The following TCL1B variants were observed in gnomAD, a reference collection of about 807,000 sequenced individuals.
The protein encoded by TCL1B is TCL1 family AKT coactivator B.
A neutral mutation model predicts 16.9 loss-of-function variants in TCL1B; 14 were observed. That is an observed-to-expected ratio of 0.83 (90% CI 0.55 to 1.30). The LOEUF (loss-of-function observed/expected upper bound fraction) is 1.30, where lower values mean the gene tolerates loss of function less well. Ranked by LOEUF, TCL1B falls within the 50% of genes most tolerant of loss-of-function variation. The pLI, the probability that TCL1B is intolerant of heterozygous loss-of-function variation, is 0.00. For synonymous variants in TCL1B, 79 were observed against 66.6 expected, an observed-to-expected ratio of 1.19 and a Z score of -0.91; for missense variants, 166 against 165.2, an observed-to-expected ratio of 1.00 and a Z score of -0.03.
chr14:95,691,047 G>A (rs748178053), intron 2 of TCL1B, 141 bp downstream of exon 2: 9 of 1,162,868 alleles, frequency 7.7e-6, no homozygotes, highest in Admixed American at 7.3e-5. Flanking sequence ...AAGGAGGCCT[G>A]AGTGTGTGTG....
At chr14:95,687,387 A>T (rs192021406) in intron 1 of TCL1B, among the ~76,000 whole-genome samples, 8 of 152,250 alleles carry the variant, frequency 5.3e-5, no homozygotes, top group Non-Finnish European at 1.0e-4. Flanking sequence ...CCGACTGTGG[A>T]TGCTCAAGTC....
In TCL1B at chr14:95,690,738, T is replaced by C. The variant is rs1885860455; in HGVS notation, c.165T>C (p.Tyr55=). Residue 55 remains tyrosine, a splice_region_variant and synonymous_variant, in exon 2 of 4, where the codon TAT becomes TAC. Coordinates refer to ENST00000340722, the MANE Select transcript of TCL1B (RefSeq NM_004918.4). ...CGCCTCTTTTCTGGTCCCTTCAGTA[T>C]GAACCCAGCATCACAGTGCACTTGT... ...EWARASQGSR[Y]EPSITVHLWQ... is the part of the protein sequence containing the mutation. 3 of 1,611,424 alleles carry C rather than the reference T, an allele frequency of 1.9e-6. No individual in the cohort carries two copies. The highest frequency in any genetic ancestry group is 2.5e-6 in the Non-Finnish European group (3 of 1,177,774).
At position 95,686,638 on chromosome 14, in the gene TCL1B, TGGGCACGAG is replaced by T; in HGVS notation, c.162+13_162+21del. ...CCTCCCAGGGCAGCAGAGTGAGTCC[TGGGCACGAG>T]GGGAGGCTGTGGGGAGGGCTGCGCA... On this transcript the variant is annotated intron_variant, in intron 1 of 3. Coordinates refer to ENST00000340722, the MANE Select transcript of TCL1B (RefSeq NM_004918.4). 1 of 1,599,140 alleles carries T rather than the reference TGGGCACGAG, an allele frequency of 6.3e-7. No individual in the cohort carries two copies. Among genetic ancestry groups the T allele is most frequent in the Non-Finnish European group, 8.5e-7 (1 of 1,172,974 alleles).
chr14:95,691,602 T>A, intron 3 of TCL1B: 1 of 330,138 alleles, frequency 3.0e-6, no homozygotes, highest in Non-Finnish European at 5.6e-6. Context: ...GGTGTACGTG[T>A]TAATGTCCCA....
chr14:95,687,714 A>G (rs1227298149), intron 1 of TCL1B, among the ~76,000 whole-genome samples: 3 of 152,066 alleles, frequency 2.0e-5, no homozygotes, highest in Non-Finnish European at 2.9e-5. Context: ...GCACTTTGGG[A>G]GGCCGAGATG....
intron 1 of TCL1B, 112 bp downstream of exon 1, chr14:95,686,741 C>A (rs888586135): frequency 5.4e-6 from 7 of 1,299,276 alleles, no homozygotes; most frequent in Non-Finnish European, 7.2e-6. Context: ...CTGGAAAACT[C>A]ACTTCTGTGC....
At position 95,686,436 on chromosome 14, in the gene TCL1B, G is replaced by T. The variant is rs780895390; in HGVS notation, c.-32G>T. On this transcript the variant is annotated 5_prime_UTR_variant, in exon 1 of 4. Coordinates refer to ENST00000340722, the MANE Select transcript of TCL1B (RefSeq NM_004918.4). ...CGCAGCTGGAAAGCTACACGTGTGAGCCTAGAGGCGGGTCCCGGTTGCAGA... is the reference window on the plus strand; with the variant it reads ...CGCAGCTGGAAAGCTACACGTGTGATCCTAGAGGCGGGTCCCGGTTGCAGA... 8 of 1,581,014 alleles carry T rather than the reference G, an allele frequency of 5.1e-6. 1 individual carries two copies. The South Asian group carries it at 6.0e-5, about 12-fold the overall frequency.
At position 95,692,127 on chromosome 14, in the gene TCL1B, G is replaced by A. The variant is rs1399677021; in HGVS notation, c.*212G>A. ...CCTGTCCCACTCAGGTCTGTACTTA[G>A]GGCAGCTGGCCTGGATGGGCTTCAC... On this transcript the variant is annotated 3_prime_UTR_variant, in exon 4 of 4. Transcript: ENST00000340722. 2.0e-5 allele frequency: 3 copies of A among 152,512 alleles called. No homozygotes were observed. Among genetic ancestry groups the A allele is most frequent in the East Asian group, 1.9e-4 (1 of 5,200 alleles). 9.4% of individuals were successfully genotyped at this position (152,512 alleles called of 1,614,324 possible).
intron 1 of TCL1B, among the ~76,000 whole-genome samples, chr14:95,687,776 C>A (rs550282169): frequency 1.3e-4 from 20 of 152,102 alleles, no homozygotes; most frequent in Non-Finnish European, 1.8e-4. Context: ...CATGGGGAAA[C>A]CCCGTCTCTA....
chr14:95,688,363 T>C (rs1885806827), intron 1 of TCL1B: 2 of 152,128 alleles, frequency 1.3e-5, no homozygotes, highest in Admixed American at 1.3e-4. Context: ...TTTCAAAAAA[T>C]GTTGGTAGAG....
chr14:95,690,243 C>T (rs938010865), intron 1 of TCL1B, among the ~76,000 whole-genome samples: 1 of 152,240 alleles, frequency 6.6e-6, no homozygotes, highest in African/African-American at 2.4e-5. Flanking sequence ...TTCAAGCAGT[C>T]CTCCTGCCTT....
At chr14:95,690,488 TTGA>T (rs1032811675) in intron 1 of TCL1B, among the ~76,000 whole-genome samples, 22 of 151,824 alleles carry the variant, frequency 1.4e-4, no homozygotes, top group African/African-American at 5.3e-4. Flanking sequence ...ACCCAAGGTG[TTGA>T]CAGGTTGGAA....
chr14:95,690,646 C>T, intron 1 of TCL1B, 90 bp from the exon 2 acceptor site: 1 of 1,414,914 alleles, frequency 7.1e-7, no homozygotes, highest in Non-Finnish European at 9.7e-7. Context: ...TTACCTCTGA[C>T]CCTGGCAGCC....
intron 2 of TCL1B, 58 bp downstream of exon 2, chr14:95,690,964 C>A: frequency 6.3e-7 from 1 of 1,581,330 alleles, no homozygotes; most frequent in Non-Finnish European, 8.6e-7. Context: ...ACTGCCGTGG[C>A]CCTCTCTCTT....
chr14:95,690,443 G>A (rs1033885761), intron 1 of TCL1B, among the ~76,000 whole-genome samples: 1 of 152,138 alleles, frequency 6.6e-6, no homozygotes, highest in Non-Finnish European at 1.5e-5. Flanking sequence ...TACGGCAATG[G>A]CAGAGATGGA....
intron 1 of TCL1B, 120 bp downstream of exon 1, chr14:95,686,749 T>G: frequency 7.9e-7 from 1 of 1,266,180 alleles, no homozygotes; most frequent in Middle Eastern, 2.8e-4. Flanking sequence ...CTCACTTCTG[T>G]GCAGGTCTAG....
In TCL1B at chr14:95,688,045, G is replaced by C. The variant is rs538370830; in HGVS notation, c.162+1416G>C. The C allele has an allele frequency of 2.6e-5, 4 of 152,040 alleles. No homozygotes were observed. In the South Asian group the frequency reaches 8.3e-4, roughly 32 times the overall value. The allele number at this position is 152,040 out of a possible 1,614,324, so 9.4% of individuals were successfully genotyped here. On this transcript the variant is annotated intron_variant, in intron 1 of 3. Coordinates refer to ENST00000340722, the MANE Select transcript of TCL1B (RefSeq NM_004918.4). The stretch of plus-strand genomic sequence containing the variant: ...AGAAAGTCTTGCTCTGTTGCGGCTG[G>C]AGTGCACTGGTGTGATGTTGGCTCA...
At chr14:95,687,539 C>CT (rs1476051297) in intron 1 of TCL1B, among the ~76,000 whole-genome samples, 3 of 152,146 alleles carry the variant, frequency 2.0e-5, no homozygotes, top group African/African-American at 7.2e-5. Flanking sequence ...TGTGGAATTT[C>CT]TTTTTTTCCC....
intron 1 of TCL1B, among the ~76,000 whole-genome samples, chr14:95,689,775 C>G (rs1284042984): frequency 6.6e-6 from 1 of 152,094 alleles, no homozygotes; most frequent in Non-Finnish European, 1.5e-5. Context: ...CAAAAGCAGT[C>G]CATAAAAAAA....
Sources: gnomAD v4.1 joint callset for allele counts (sites outside exome capture counted in the v4.1 genomes callset) on GRCh38, gnomAD v4.1.1 for gene constraint, MANE v1.5 for transcripts, NCBI Gene and HGNC (gene_info 2026-07-23, HGNC 2026-07-21) for gene names.